Variants in MTA3 observed in about 807,000 individuals in gnomAD.
MTA3 encodes metastasis-associated protein MTA3.
MTA3 carries 34 observed loss-of-function variants against 83.5 expected under a neutral mutation model. The observed-to-expected ratio is 0.41, with a 90% CI of 0.31 to 0.54. The LOEUF (loss-of-function observed/expected upper bound fraction) is 0.54, where lower values mean the gene tolerates loss of function less well. MTA3 is among the 20% of genes least tolerant of loss of function. The pLI is 0.33. For missense variants in MTA3, 761 were observed against 726.4 expected (o/e 1.05, Z -0.55); for synonymous variants, 303 against 252.7 (o/e 1.20, Z -1.89).
At chr2:42,587,866 T>A (rs2103918739) in intron 3 of MTA3, among the ~76,000 whole-genome samples, 1 of 152,278 alleles carries the variant, frequency 6.6e-6, no homozygotes, top group East Asian at 1.9e-4. Flanking sequence ...CCTCCTAAGG[T>A]GCTGGGGTTC....
chr2:42,594,685 TATATACATATATAA>T (rs1681481452), intron 3 of MTA3, among the ~76,000 whole-genome samples: 1 of 115,698 alleles, frequency 8.6e-6, no homozygotes, highest in African/African-American at 3.3e-5. Flanking sequence ...TAAATATACA[TATATACATATATAA>T]ATATACATAT....
intron 4 of MTA3, among the ~76,000 whole-genome samples, chr2:42,619,796 G>T (rs1208452210): frequency 6.6e-6 from 1 of 152,134 alleles, no homozygotes; most frequent in African/African-American, 2.4e-5. Flanking sequence ...ATAACAGTAA[G>T]ATGTTACTTA....
intron 2 of MTA3, among the ~76,000 whole-genome samples, chr2:42,530,056 G>C (rs1431532034): frequency 2.0e-5 from 3 of 151,748 alleles, no homozygotes; most frequent in Non-Finnish European, 4.4e-5. Context: ...GTGGTGGTGG[G>C]CGCCTGTAAT....
rs370893543 is a variant in MTA3, at chr2:42,655,413, T to C, written c.500-787T>C. Among the ~76,000 whole-genome samples the C allele has an allele frequency of 2.7e-4, 41 of 152,318 alleles. 2 individuals carry two copies. In the South Asian group the frequency reaches 8.3e-3, roughly 31 times the overall value. ...TTTTTAAAAAATCTTCCCCTGCTGG[T>C]GCATTCGTACCCTTTAGTTCTTAGC... On this transcript the variant is annotated intron_variant, in intron 6 of 16. Transcript: ENST00000405094.
chr2:42,515,023 C>T (rs1675076883), intron 2 of MTA3, among the ~76,000 whole-genome samples: 1 of 151,306 alleles, frequency 6.6e-6, no homozygotes, highest in Admixed American at 6.6e-5. Context: ...GATATGTATG[C>T]CTGTGTTTAT....
intron 16 of MTA3, among the ~76,000 whole-genome samples, chr2:42,751,724 T>C (rs1454922933): frequency 1.3e-5 from 2 of 152,202 alleles, no homozygotes; most frequent in Admixed American, 6.5e-5. Context: ...CAATTTACCA[T>C]GGCAGGCTAG....
chr2:42,626,818 G>A (rs1343324184), intron 4 of MTA3, among the ~76,000 whole-genome samples: 2 of 151,926 alleles, frequency 1.3e-5, no homozygotes, highest in African/African-American at 4.8e-5. Flanking sequence ...TCAGCTCACT[G>A]TAACCTCTGT....
At position 42,754,525 on chromosome 2, in the gene MTA3, G is replaced by A; in HGVS notation, c.*1126G>A. 1 of 983,278 alleles carries A rather than the reference G, an allele frequency of 1.0e-6. No homozygotes were observed. The allele number at this position is 983,278 out of a possible 1,614,324, so 60.9% of individuals were successfully genotyped here. A position where few individuals can be genotyped will look rare whatever the true frequency, so the allele number is the denominator to read the frequency against. ...ACAGTTGGCCACTCAGCTGTGCTGA[G>A]TAGCTGTGCTACTTGTGCTGGCAGC... On this transcript the variant is annotated 3_prime_UTR_variant, in exon 17 of 17. Transcript: ENST00000405094.
At chr2:42,519,511 C>A (rs909342624) in intron 2 of MTA3, among the ~76,000 whole-genome samples, 10 of 151,638 alleles carry the variant, frequency 6.6e-5, no homozygotes, top group Non-Finnish European at 1.2e-4. Context: ...GAAACTGAAG[C>A]AGGAGAATCC....
chr2:42,554,110 T>C (rs1202009084), intron 2 of MTA3, among the ~76,000 whole-genome samples: 1 of 151,852 alleles, frequency 6.6e-6, no homozygotes, highest in Non-Finnish European at 1.5e-5. Context: ...GGTGCATGCC[T>C]GTAATCCCAG....
chr2:42,639,826 T>C (rs1687541974), intron 4 of MTA3, among the ~76,000 whole-genome samples: 1 of 152,230 alleles, frequency 6.6e-6, no homozygotes, highest in South Asian at 2.1e-4. Flanking sequence ...TCATAATATC[T>C]ATTTATAGGT....
intron 4 of MTA3, among the ~76,000 whole-genome samples, chr2:42,619,173 C>G (rs1685254005): frequency 6.6e-6 from 1 of 152,100 alleles, no homozygotes; most frequent in Non-Finnish European, 1.5e-5. Flanking sequence ...TTCCATTGTT[C>G]AGTAGTTGAT....
At chr2:42,713,138 G>T (rs928137304) in intron 14 of MTA3, among the ~76,000 whole-genome samples, 6 of 152,198 alleles carry the variant, frequency 3.9e-5, no homozygotes, top group Admixed American at 3.3e-4. Flanking sequence ...GATTTGCCTG[G>T]CACCTTGGTG....
intron 3 of MTA3, among the ~76,000 whole-genome samples, chr2:42,593,188 A>G (rs1236701345): frequency 1.3e-5 from 2 of 150,170 alleles, no homozygotes; most frequent in African/African-American, 4.9e-5. Flanking sequence ...AAACAACAAT[A>G]AAACATATAG....
intron 16 of MTA3, among the ~76,000 whole-genome samples, chr2:42,752,964 G>A (rs1669995935): frequency 2.7e-5 from 4 of 148,134 alleles, no homozygotes; most frequent in Admixed American, 2.0e-4. Flanking sequence ...TTGCTCTGTC[G>A]CCTGGGCTGG....
intron 6 of MTA3, 122 bp from the exon 7 acceptor site, chr2:42,656,078 A>G (rs1363130949): frequency 4.4e-6 from 3 of 686,518 alleles, no homozygotes; most frequent in Non-Finnish European, 7.4e-6. Context: ...AGAATATGCC[A>G]AAACTGTGGG....
At chr2:42,508,142 G>C (rs1674723146) in intron 2 of MTA3, among the ~76,000 whole-genome samples, 1 of 151,918 alleles carries the variant, frequency 6.6e-6, no homozygotes, top group Admixed American at 6.6e-5. Context: ...GCATTAGGTG[G>C]GTCATTCCTT....
At chr2:42,528,957 G>A (rs536074487) in intron 2 of MTA3, among the ~76,000 whole-genome samples, 6 of 152,256 alleles carry the variant, frequency 3.9e-5, no homozygotes, top group African/African-American at 9.6e-5. Context: ...CAAACATTTG[G>A]TTACCTTTGT....
chr2:42,622,077 G>A (rs368602179), intron 4 of MTA3, among the ~76,000 whole-genome samples: 21 of 152,166 alleles, frequency 1.4e-4, no homozygotes, highest in African/African-American at 4.6e-4. Flanking sequence ...AGGTTGTAGC[G>A]AGCCGAGATC....
Sources: gnomAD v4.1 joint callset for allele counts (sites outside exome capture counted in the v4.1 genomes callset) on GRCh38, gnomAD v4.1.1 for gene constraint, MANE v1.5 for transcripts, NCBI Gene and HGNC (gene_info 2026-07-23, HGNC 2026-07-21) for gene names.